Variants in SYN1 observed in about 807,000 individuals in gnomAD.
SYN1 encodes the protein synapsin I, also known as synapsin-1.
A neutral mutation model predicts 44.6 loss-of-function variants in SYN1; 8 were observed. That is an observed-to-expected ratio of 0.18 (90% CI 0.11 to 0.32). SYN1 has a LOEUF of 0.32. Among genes scored for constraint, SYN1 ranks in the 10% least tolerant of loss-of-function variants. SYN1 has a pLI of 1.00. For missense variants in SYN1, 451 were observed against 639.4 expected, an observed-to-expected ratio of 0.71 and a Z score of 3.18; for synonymous variants, 275 against 280.1, an observed-to-expected ratio of 0.98 and a Z score of 0.18.
rs780269723 is a variant in SYN1 at position 47,575,175 on chromosome X, G to T, written c.1258C>A (p.Arg420=). 1.7e-6 allele frequency: 2 copies of T among 1,195,993 alleles called. No individual in the cohort carries two copies. Among genetic ancestry groups the T allele is most frequent in the Non-Finnish European group, 2.3e-6 (2 of 887,526 alleles). Residue 420 remains arginine (R), a synonymous_variant, in exon 10 of 13, where the codon CGG becomes AGG. Transcript: ENST00000295987. ...GGGGAGGCATCCCGCTGTCGCTGCCGGGGCAGGGCCTGAGCCATCTTGTTG... is the reference window on the plus strand; with the variant it reads ...GGGGAGGCATCCCGCTGTCGCTGCCTGGGCAGGGCCTGAGCCATCTTGTTG... ...VVNKMAQALP[R]QRQRDASPGR... is the part of the protein sequence containing the mutation.
rs1328549906 is a variant in SYN1 at position 47,574,049 on chromosome X, C to T, written c.1935G>A (p.Pro645=). ...CCCCTGCAGCGGCGGTGGCGGGTGG[C>T]GGCACGTCCTGGCTGGGTTTCTGGG... ...QLAQKPSQDV[P]PPATAAAGGP... The change falls in exon 12 of 13, where the codon CCG becomes CCA. Residue 645 remains proline, a synonymous_variant. Coordinates refer to ENST00000295987, the MANE Select transcript of SYN1 (RefSeq NM_006950.3). The T allele has an allele frequency of 2.6e-6, 3 of 1,150,175 alleles. No homozygotes were observed. Among genetic ancestry groups the T allele is most frequent in the Non-Finnish European group, 3.5e-6 (3 of 869,107 alleles). 94.8% of individuals were successfully genotyped at this position (1,150,175 alleles called of 1,213,427 possible).
rs1464799493 is a variant in SYN1, at chrX:47,574,792, G to C, written c.1306-17C>G. 2 of 1,157,325 alleles carry C rather than the reference G, an allele frequency of 1.7e-6. No homozygotes were observed. Among genetic ancestry groups the C allele is most frequent in the Non-Finnish European group, 2.3e-6 (2 of 860,089 alleles). On this transcript the variant is annotated splice_polypyrimidine_tract_variant and intron_variant, in intron 10 of 12. Transcript: ENST00000295987. ...GGACGGAGTCTGCGGCAGAGGAATGGAGCAGGAGAGGTTAAAAATAGTTAC... is the reference window on the plus strand; with the variant it reads ...GGACGGAGTCTGCGGCAGAGGAATGCAGCAGGAGAGGTTAAAAATAGTTAC...
In SYN1 at chrX:47,597,523, C is replaced by T. The variant is rs190543402; in HGVS notation, c.774+7455G>A. On this transcript the variant is annotated intron_variant, in intron 5 of 12. Transcript: ENST00000295987. Reference sequence around the variant, plus strand: ...AAAAGTAAACAAAATGAACACAGTCCTAGAGGTCTGTGGAACACCATGAAG... The same window carrying T: ...AAAAGTAAACAAAATGAACACAGTCTTAGAGGTCTGTGGAACACCATGAAG... 1.0e-4 allele frequency among the ~76,000 whole-genome samples: 11 copies of T among 109,483 alleles called. No individual in the cohort carries two copies. The East Asian group carries it at 2.9e-3, about 29-fold the overall frequency.
rs1200980773 is a variant in SYN1 at position 47,605,299 on chromosome X, A to G, written c.608T>C (p.Ile203Thr). 1.7e-6 allele frequency: 2 copies of G among 1,210,663 alleles called. No individual in the cohort carries two copies. The highest frequency in any genetic ancestry group is 1.7e-5 in the African/African-American group (1 of 57,713). ...ARNGDYRSLV[I>T]GLQYAGIPSV... is the part of the protein sequence containing the mutation. ...GGGGATTCCAGCATACTGCAGCCCA[A>G]TGACCAAACTGCGGTAGTCTCCGTT... Residue 203 changes from isoleucine to threonine, a missense_variant, in exon 4 of 13, where the codon ATT (isoleucine) becomes ACT (threonine). Ile to Thr is a moderately conservative substitution (Grantham distance 89, BLOSUM62 -1). Transcript: ENST00000295987.
chrX:47,585,269 T>C (rs2057818580), intron 5 of SYN1: 1 of 1,208,555 alleles, frequency 8.3e-7, no homozygotes, highest in Non-Finnish European at 1.1e-6. Flanking sequence ...ACCCCCGCCA[T>C]GGAGAGTGTC....
chrX:47,577,046 G>A (rs1011397601), intron 6 of SYN1, among the ~76,000 whole-genome samples: 1 of 111,049 alleles, frequency 9.0e-6, no homozygotes, highest in East Asian at 2.8e-4. Flanking sequence ...TACTTTCTAC[G>A]TACACAGAGA....
At chrX:47,615,139 A>G (rs1210999955) in intron 1 of SYN1, among the ~76,000 whole-genome samples, 1 of 112,109 alleles carries the variant, frequency 8.9e-6, no homozygotes, top group East Asian at 2.8e-4. Context: ...CATCCTATAT[A>G]TGTATTATAT....
At chrX:47,577,057 C>A (rs1460867275) in intron 6 of SYN1, among the ~76,000 whole-genome samples, 1 of 111,095 alleles carries the variant, frequency 9.0e-6, no homozygotes, top group African/African-American at 3.3e-5. Flanking sequence ...TACACAGAGA[C>A]AAAATCAGAT....
chrX:47,586,454 G>A, intron 5 of SYN1: 2 of 1,175,242 alleles, frequency 1.7e-6, no homozygotes, highest in Non-Finnish European at 2.3e-6. Flanking sequence ...AAGCTGAGGA[G>A]AGGAAGTTCT....
At chrX:47,595,563 G>C (rs1384035140) in intron 5 of SYN1, among the ~76,000 whole-genome samples, 1 of 111,782 alleles carries the variant, frequency 8.9e-6, no homozygotes, top group African/African-American at 3.3e-5. Context: ...TCCACACATG[G>C]TATTGTGAGA....
rs762463783 is a variant in SYN1, at chrX:47,615,453, T to TA, written c.377+3898dup. On this transcript the variant is annotated intron_variant, in intron 1 of 12. Transcript: ENST00000295987. ...ACCGTATGTCATATATAATATACATTACAGATTGTATATCTTAATGGAATA... is the reference window on the plus strand; with the variant it reads ...ACCGTATGTCATATATAATATACATTAACAGATTGTATATCTTAATGGAATA... 2.7e-5 allele frequency among the ~76,000 whole-genome samples: 3 copies of TA among 112,455 alleles called. No individual in the cohort carries two copies. The East Asian group carries it at 8.3e-4, about 31-fold the overall frequency.
chrX:47,577,883 TG>T (rs1468455217), intron 5 of SYN1, among the ~76,000 whole-genome samples: 2 of 27,445 alleles, frequency 7.3e-5, no homozygotes, highest in Admixed American at 4.1e-4. Context: ...GTGGGGGGGG[TG>T]GGGAGTGGTG....
At chrX:47,580,055 C>T (rs1275383957) in intron 5 of SYN1, among the ~76,000 whole-genome samples, 1 of 110,029 alleles carries the variant, frequency 9.1e-6, no homozygotes, top group South Asian at 3.9e-4. Context: ...CAGTAAGCCT[C>T]GATCCTCAAG....
intron 5 of SYN1, among the ~76,000 whole-genome samples, chrX:47,588,919 C>T (rs2057837098): frequency 9.0e-6 from 1 of 111,226 alleles, no homozygotes; most frequent in Non-Finnish European, 1.9e-5. Context: ...CGTCACAGTC[C>T]TGGCCCAGAA....
intron 5 of SYN1, among the ~76,000 whole-genome samples, chrX:47,600,114 A>T (rs1424084149): frequency 5.3e-5 from 6 of 112,603 alleles, no homozygotes; most frequent in African/African-American, 1.9e-4. Flanking sequence ...TGGAGACAGA[A>T]ATAGACAATT....
chrX:47,582,813 C>T (rs1237020554), intron 5 of SYN1, among the ~76,000 whole-genome samples: 1 of 99,518 alleles, frequency 1.0e-5, no homozygotes, highest in East Asian at 3.3e-4. Flanking sequence ...ACCCCTGCAG[C>T]TCCCTAAACT....
chrX:47,583,320 C>T, intron 5 of SYN1: 1 of 881,526 alleles, frequency 1.1e-6, no homozygotes, highest in East Asian at 3.3e-5. Flanking sequence ...CCCCCATAGG[C>T]TGCCCCGGGG....
chrX:47,574,336 C>T lies in SYN1; in HGVS notation c.1648G>A (p.Ala550Thr), dbSNP rs397514680. ...GCCTGGCGCTGGGGAGACGGAGAGG[C>T]GGGCGGGCGGGCTGCTGGAGGCGCC... Reference protein sequence around the residue: ...PGAPPAARPPASPSPQRQAGP... With the variant: ...PGAPPAARPPTSPSPQRQAGP... Residue 550 changes from alanine to threonine, a missense_variant, in exon 12 of 13, where the codon GCC becomes ACC. By Grantham distance (58) the Ala-to-Thr change is moderately conservative (BLOSUM62 0). This residue lies in a region of SYN1 where 127 missense variants were observed against 154.8 expected (regional missense o/e 0.82). Coordinates refer to ENST00000295987, the MANE Select transcript of SYN1 (RefSeq NM_006950.3). 2.5e-5 allele frequency: 26 copies of T among 1,042,104 alleles called. No homozygotes were observed. Among genetic ancestry groups the T allele is most frequent in the Non-Finnish European group, 3.1e-5 (25 of 818,763 alleles). The allele number at this position is 1,042,104 out of a possible 1,213,427, so 85.9% of individuals were successfully genotyped here.
At chrX:47,610,533 G>T (rs957766765) in intron 1 of SYN1, among the ~76,000 whole-genome samples, 1 of 107,723 alleles carries the variant, frequency 9.3e-6, no homozygotes, top group African/African-American at 3.4e-5. Context: ...GACTGGACAG[G>T]TTCTAGGCTT....
Sources: gnomAD v4.1 joint callset for allele counts (sites outside exome capture counted in the v4.1 genomes callset) on GRCh38, gnomAD v4.1.1 for gene constraint, gnomAD v4.1.1 regional missense constraint, MANE v1.5 for transcripts, NCBI Gene and HGNC (gene_info 2026-07-23, HGNC 2026-07-21) for gene names.